The following TMEM131 variants were observed in gnomAD, a reference collection of about 807,000 sequenced individuals.
The protein encoded by TMEM131 is 2610524E03Rik.
In TMEM131, 66 loss-of-function variants were observed where a neutral mutation model predicts 211.6. That is an observed-to-expected ratio of 0.31 (90% CI 0.26 to 0.38). The LOEUF is 0.38. TMEM131 is among the 10% of genes least tolerant of loss of function. The pLI is 1.00. For synonymous variants in TMEM131, 844 were observed against 841.3 expected (o/e 1.00, Z -0.06); for missense variants, 2,036 against 2,299.3 (o/e 0.89, Z 2.34).
At chr2:97,938,915 C>T (rs1407994967) in intron 1 of TMEM131, among the ~76,000 whole-genome samples, 1 of 152,174 alleles carries the variant, frequency 6.6e-6, no homozygotes, top group Non-Finnish European at 1.5e-5. Context: ...GAACAACCTG[C>T]TCCTGAATGA....
chr2:97,813,828 A>T lies in TMEM131; in HGVS notation c.1617+143T>A, dbSNP rs1681684279. On this transcript the variant is annotated intron_variant, in intron 15 of 40. Coordinates refer to ENST00000186436, the MANE Select transcript of TMEM131 (RefSeq NM_015348.2). ...AAAGGTAAAAACTAGTTACCTGGAA[A>T]GGTAAAAACTGACTAGGAGAATTAG... 4.8e-6 allele frequency: 3 copies of T among 629,806 alleles called. No individual in the cohort carries two copies. The South Asian group carries it at 9.0e-5, about 19-fold the overall frequency. The allele number at this position is 629,806 out of a possible 1,614,324, so 39.0% of individuals were successfully genotyped here.
intron 1 of TMEM131, among the ~76,000 whole-genome samples, chr2:97,976,815 A>G (rs566665948): frequency 6.6e-6 from 1 of 152,310 alleles, no homozygotes; most frequent in South Asian, 2.1e-4. Flanking sequence ...TAACAGAACA[A>G]AAGAGAGACA....
In TMEM131 at chr2:97,802,859, A is replaced by G; in HGVS notation, c.2403-69T>C. Reference sequence around the variant, plus strand: ...TGAGTCTTCTGAACATAAGAAATTCAATTAGGCTTATGTACTTGAGAAATT... The same window carrying G: ...TGAGTCTTCTGAACATAAGAAATTCGATTAGGCTTATGTACTTGAGAAATT... On this transcript the variant is annotated intron_variant, in intron 22 of 40. Coordinates refer to ENST00000186436, the MANE Select transcript of TMEM131 (RefSeq NM_015348.2). 2.2e-6 allele frequency: 3 copies of G among 1,343,934 alleles called. No homozygotes were observed. In the South Asian group the frequency reaches 4.4e-5, roughly 20 times the overall value. 83.3% of individuals were successfully genotyped at this position (1,343,934 alleles called of 1,614,324 possible).
chr2:97,886,400 T>G (rs1447581382), intron 4 of TMEM131, among the ~76,000 whole-genome samples: 1 of 152,182 alleles, frequency 6.6e-6, no homozygotes, highest in Non-Finnish European at 1.5e-5. Flanking sequence ...TCCAATTTTA[T>G]GGAGTACATT....
intron 27 of TMEM131, 115 bp from the exon 28 acceptor site, chr2:97,796,519 G>T: frequency 2.8e-6 from 2 of 702,564 alleles, no homozygotes; most frequent in Non-Finnish European, 4.6e-6. Context: ...AACCATCCCT[G>T]CATGTCAGAG....
At chr2:97,991,705 G>C (rs1389734264) in intron 1 of TMEM131, among the ~76,000 whole-genome samples, 1 of 152,204 alleles carries the variant, frequency 6.6e-6, no homozygotes, top group Non-Finnish European at 1.5e-5. Flanking sequence ...GGAAAATTCA[G>C]CTGTAGGAAA....
At chr2:97,978,035 C>T (rs1005185732) in intron 1 of TMEM131, among the ~76,000 whole-genome samples, 2 of 151,908 alleles carry the variant, frequency 1.3e-5, no homozygotes, top group East Asian at 1.9e-4. Flanking sequence ...TGCAGTGAGC[C>T]GAGACTGCGC....
intron 1 of TMEM131, among the ~76,000 whole-genome samples, chr2:97,948,818 C>T (rs915394685): frequency 3.3e-5 from 5 of 151,994 alleles, no homozygotes; most frequent in African/African-American, 4.8e-5. Flanking sequence ...CCACCACGCC[C>T]GGCTAATTTT....
chr2:97,812,158 G>C lies in TMEM131; in HGVS notation c.1863+263C>G, dbSNP rs183965652. Among the ~76,000 whole-genome samples the C allele has an allele frequency of 3.3e-5, 5 of 152,276 alleles. No individual in the cohort carries two copies. In the East Asian group the frequency reaches 9.6e-4, roughly 29 times the overall value. On this transcript the variant is annotated intron_variant, in intron 17 of 40. Coordinates refer to ENST00000186436, the MANE Select transcript of TMEM131 (RefSeq NM_015348.2). ...GGGAATCTCTCCTGTAATGACACTT[G>C]TGTTACAAAAAGATAATTAAAAATT...
At chr2:97,931,107 T>C (rs1347529998) in intron 1 of TMEM131, among the ~76,000 whole-genome samples, 1 of 151,876 alleles carries the variant, frequency 6.6e-6, no homozygotes. Flanking sequence ...TAACAGCACC[T>C]TTTAGCAACC....
intron 1 of TMEM131, among the ~76,000 whole-genome samples, chr2:97,942,494 A>AC (rs1677784740): frequency 7.7e-6 from 1 of 130,646 alleles, no homozygotes; most frequent in Non-Finnish European, 1.7e-5. Flanking sequence ...AAAAAATACA[A>AC]AAAAAAAGAA....
intron 4 of TMEM131, among the ~76,000 whole-genome samples, chr2:97,871,732 A>C (rs545890991): frequency 6.6e-6 from 1 of 152,234 alleles, no homozygotes; most frequent in African/African-American, 2.4e-5. Context: ...GTAAAACCCT[A>C]ATCTCCAAGC....
chr2:97,944,284 G>T (rs749284678), intron 1 of TMEM131, among the ~76,000 whole-genome samples: 1 of 151,996 alleles, frequency 6.6e-6, no homozygotes, highest in Non-Finnish European at 1.5e-5. Context: ...GCTTGGAAAA[G>T]AATGAGGACG....
At chr2:97,802,280 TCC>T in intron 24 of TMEM131, 146 bp downstream of exon 24, 2 of 678,562 alleles carry the variant, frequency 2.9e-6, no homozygotes, top group East Asian at 5.8e-5. Flanking sequence ...AACCTAAACC[TCC>T]CTAAAACCTT....
intron 1 of TMEM131, among the ~76,000 whole-genome samples, chr2:97,991,346 G>A (rs1160257473): frequency 6.6e-6 from 1 of 152,212 alleles, no homozygotes; most frequent in African/African-American, 2.4e-5. Context: ...AACAGAAATG[G>A]CGAAAGGCGG....
At position 97,841,879 on chromosome 2, in the gene TMEM131, A is replaced by G. The variant is rs1409041234; in HGVS notation, c.659T>C (p.Val220Ala). 6.3e-7 allele frequency: 1 copy of G among 1,597,580 alleles called. No homozygotes were observed. The highest frequency in any genetic ancestry group is 1.7e-4 in the Middle Eastern group (1 of 6,038). Residue 220 changes from valine to alanine, a missense_variant, in exon 7 of 41, where the codon GTC (valine) becomes GCC (alanine). This residue lies in a region of TMEM131 where 277 missense variants were observed against 378.0 expected (regional missense o/e 0.73). Coordinates refer to ENST00000186436, the MANE Select transcript of TMEM131 (RefSeq NM_015348.2). ...AGGTGAGAAACTGCTATTCACAGGG[A>G]CTCTGGCCCCAAGGAACGGCCTCAA... ...YRLRPFLGAR[V>A]PVNSSFSPII...
rs1279683995 is a variant in TMEM131, at chr2:97,811,250, G to A, written c.1864-18C>T. The A allele has an allele frequency of 2.5e-6, 4 of 1,583,464 alleles. No homozygotes were observed. Among genetic ancestry groups the A allele is most frequent in the African/African-American group, 2.7e-5 (2 of 74,258 alleles). On this transcript the variant is annotated intron_variant, in intron 17 of 40. Coordinates refer to ENST00000186436, the MANE Select transcript of TMEM131 (RefSeq NM_015348.2). ...AATGTTACCTGTAGATAGTAGAAATGGTATCATTCATTAGCCTTGTTAGTT... is the reference window on the plus strand; with the variant it reads ...AATGTTACCTGTAGATAGTAGAAATAGTATCATTCATTAGCCTTGTTAGTT...
At chr2:97,992,120 T>C (rs1031829587) in intron 1 of TMEM131, among the ~76,000 whole-genome samples, 3 of 152,200 alleles carry the variant, frequency 2.0e-5, no homozygotes, top group African/African-American at 7.2e-5. Context: ...CTCTACCCCA[T>C]ACAAAGGGTT....
chr2:97,851,456 G>A (rs1573459078), intron 5 of TMEM131, among the ~76,000 whole-genome samples: 1 of 152,248 alleles, frequency 6.6e-6, no homozygotes, highest in Admixed American at 6.5e-5. Context: ...AAAACATACA[G>A]CATATCTCAT....
Sources: allele counts gnomAD v4.1 joint callset (sites outside exome capture counted in the v4.1 genomes callset), GRCh38; gene constraint gnomAD v4.1.1; regional missense constraint gnomAD v4.1.1; transcripts MANE v1.5; gene names NCBI Gene and HGNC (gene_info 2026-07-23, HGNC 2026-07-21).